The following CAPN14 variants were observed in gnomAD, a reference collection of about 807,000 sequenced individuals.
CAPN14 encodes the protein calpain-14.
A neutral mutation model predicts 101.3 loss-of-function variants in CAPN14; 94 were observed. That is an observed-to-expected ratio of 0.93 (90% CI 0.79 to 1.10). The LOEUF (loss-of-function observed/expected upper bound fraction) is 1.10, where lower values mean the gene tolerates loss of function less well. CAPN14 is among the 50% of genes least tolerant of loss of function. CAPN14 has a pLI of 0.00. For missense variants in CAPN14, 837 were observed against 828.4 expected (o/e 1.01, Z -0.13); for synonymous variants, 338 against 317.9 (o/e 1.06, Z -0.67).
intron 12 of CAPN14, among the ~76,000 whole-genome samples, chr2:31,190,950 T>C (rs1053249339): frequency 1.3e-5 from 2 of 152,194 alleles, no homozygotes; most frequent in African/African-American, 4.8e-5. Flanking sequence ...TCCTGCCACA[T>C]GTCCCCAAGC....
chr2:31,220,087 T>G (rs1682817465), upstream of CAPN14, among the ~76,000 whole-genome samples: 1 of 152,210 alleles, frequency 6.6e-6, no homozygotes, highest in Admixed American at 6.5e-5. Flanking sequence ...ACTGTGTGAA[T>G]AGCTTCCAAG....
intron 6 of CAPN14, among the ~76,000 whole-genome samples, chr2:31,200,027 G>T (rs1439695240): frequency 6.6e-6 from 1 of 152,114 alleles, no homozygotes; most frequent in East Asian, 1.9e-4. Context: ...TTTTAAAACG[G>T]AATCTCTCTC....
At chr2:31,215,358 C>T (rs1052918877) in intron 1 of CAPN14, among the ~76,000 whole-genome samples, 1 of 151,932 alleles carries the variant, frequency 6.6e-6, no homozygotes, top group African/African-American at 2.4e-5. Flanking sequence ...CTCATCTCCT[C>T]CTCTGATCCT....
intron 1 of CAPN14, among the ~76,000 whole-genome samples, chr2:31,210,576 CTT>C (rs1682346946): frequency 6.6e-6 from 1 of 152,124 alleles, no homozygotes; most frequent in Admixed American, 6.6e-5. Flanking sequence ...TATGAGTTGA[CTT>C]ATTTTCATTT....
At chr2:31,177,241 T>C (rs1680350870) in intron 19 of CAPN14, 99 bp from the exon 20 acceptor site, 5 of 691,646 alleles carry the variant, frequency 7.2e-6, no homozygotes, top group Admixed American at 2.8e-5. Context: ...TTTAGGGACC[T>C]GAATCCTGAT....
chr2:31,216,872 T>C (rs1451233219), intron 1 of CAPN14, among the ~76,000 whole-genome samples: 3 of 152,174 alleles, frequency 2.0e-5, no homozygotes, highest in Non-Finnish European at 2.9e-5. Context: ...CTGACAGCTA[T>C]CATTTGAGGC....
intron 2 of CAPN14, among the ~76,000 whole-genome samples, chr2:31,225,155 A>G (rs1436984340): frequency 1.3e-5 from 2 of 152,120 alleles, no homozygotes; most frequent in Non-Finnish European, 2.9e-5. Context: ...AAAATAAGGG[A>G]AAAAATAGAC....
intron 16 of CAPN14, among the ~76,000 whole-genome samples, chr2:31,182,476 C>T (rs1484267676): frequency 7.4e-6 from 1 of 135,466 alleles, no homozygotes; most frequent in Non-Finnish European, 1.5e-5. Context: ...TGATAAGCAA[C>T]TTCAGCAAAG....
chr2:31,199,197 G>A (rs1437899487), intron 7 of CAPN14, among the ~76,000 whole-genome samples: 1 of 152,206 alleles, frequency 6.6e-6, no homozygotes, highest in Non-Finnish European at 1.5e-5. Flanking sequence ...CCAGAGTGAA[G>A]CAAAGTTCAA....
At chr2:31,206,043 T>A (rs1295758255) in intron 1 of CAPN14, among the ~76,000 whole-genome samples, 3 of 147,938 alleles carry the variant, frequency 2.0e-5, no homozygotes, top group African/African-American at 7.3e-5. Flanking sequence ...TATTTATTTT[T>A]TTTTTTTGAG....
chr2:31,217,578 G>A (rs1194869925), upstream of CAPN14: 1 of 152,238 alleles, frequency 6.6e-6, no homozygotes, highest in Non-Finnish European at 1.5e-5. Context: ...GTTTAGCCAA[G>A]AATTTGCGAC....
At chr2:31,188,411 A>C (rs1469564126) in intron 13 of CAPN14, 57 bp from the exon 14 acceptor site, 1 of 1,483,332 alleles carries the variant, frequency 6.7e-7, no homozygotes, top group African/African-American at 1.4e-5. Context: ...TTTTTTGGCC[A>C]ATCTTCCCCT....
intron 21 of CAPN14, 85 bp downstream of exon 21, chr2:31,176,502 G>A: frequency 1.0e-6 from 1 of 994,354 alleles, no homozygotes. Flanking sequence ...TGTCCCCAGA[G>A]CCCTTCTCCT....
chr2:31,200,384 G>C, intron 6 of CAPN14, 67 bp downstream of exon 6: 2 of 1,400,638 alleles, frequency 1.4e-6, no homozygotes, highest in Non-Finnish European at 1.9e-6. Flanking sequence ...GGTGAGGGTA[G>C]TGGTGGTGGA....
chr2:31,191,366 A>C, intron 12 of CAPN14, 33 bp downstream of exon 12: 6 of 1,543,324 alleles, frequency 3.9e-6, no homozygotes, highest in Non-Finnish European at 5.2e-6. Flanking sequence ...TGTCACCCCA[A>C]ACTAGGGCCA....
chr2:31,206,030 A>ATTTTTTTTT (rs1349730634), intron 1 of CAPN14, among the ~76,000 whole-genome samples: 1 of 113,076 alleles, frequency 8.8e-6, no homozygotes, highest in African/African-American at 3.2e-5. Flanking sequence ...TATTTTTTTT[A>ATTTTTTTTT]TTTATTTATT....
chr2:31,232,588 AG>A (rs1683226970), intron 1 of CAPN14, among the ~76,000 whole-genome samples: 1 of 152,172 alleles, frequency 6.6e-6, no homozygotes. Context: ...GTCCTTCATA[AG>A]GCGGCAGGAG....
At chr2:31,179,085 T>A (rs896151019) in intron 17 of CAPN14, among the ~76,000 whole-genome samples, 1 of 144,920 alleles carries the variant, frequency 6.9e-6, no homozygotes, top group East Asian at 2.0e-4. Context: ...TATATATATA[T>A]ATATATACTT....
At chr2:31,179,422 A>G (rs1013413091) in intron 17 of CAPN14, among the ~76,000 whole-genome samples, 8 of 152,200 alleles carry the variant, frequency 5.3e-5, no homozygotes, top group African/African-American at 1.9e-4. Flanking sequence ...ATGGCTGCAT[A>G]GTATTCCACG....
Sources: allele counts gnomAD v4.1 joint callset (sites outside exome capture counted in the v4.1 genomes callset), GRCh38; gene constraint gnomAD v4.1.1; transcripts MANE v1.5; gene names NCBI Gene and HGNC (gene_info 2026-07-23, HGNC 2026-07-21).